The following ACADS variants were observed in gnomAD, a reference collection of about 807,000 sequenced individuals.
ACADS encodes short-chain specific acyl-CoA dehydrogenase, mitochondrial.
Under a neutral mutation model 46.8 loss-of-function variants are expected in ACADS, and 28 were observed. The observed-to-expected ratio is 0.60, with a 90% confidence interval of 0.44 to 0.82. The LOEUF (loss-of-function observed/expected upper bound fraction) is 0.82, where lower values mean the gene tolerates loss of function less well. Among genes scored for constraint, ACADS ranks in the 40% least tolerant of loss-of-function variants. The pLI is 0.00. For synonymous variants in ACADS, 236 were observed against 237.7 expected (o/e 0.99, Z 0.07); for missense variants, 528 against 578.0 (o/e 0.91, Z 0.89).
At chr12:120,737,334 C>A in intron 3 of ACADS, 22 bp from the exon 4 acceptor site, 4 of 1,610,064 alleles carry the variant, frequency 2.5e-6, no homozygotes, top group Non-Finnish European at 3.4e-6. Context: ...GGGCCTCCGA[C>A]CGCTCCCCGC....
intron 2 of ACADS, among the ~76,000 whole-genome samples, chr12:120,727,984 G>A (rs1169409314): frequency 6.6e-6 from 1 of 151,904 alleles, no homozygotes; most frequent in Non-Finnish European, 1.5e-5. Flanking sequence ...CTCTCGCTCT[G>A]TTGCCCAGGC....
Position 120,736,904 on chromosome 12 carries a change from G to C in ACADS, c.211-82G>C, listed in dbSNP as rs546753580. On this transcript the variant is annotated intron_variant, in intron 2 of 9. Coordinates refer to ENST00000242592, the MANE Select transcript of ACADS (RefSeq NM_000017.4). The stretch of plus-strand genomic sequence containing the variant: ...CTGAGTTTCTGCAGGGCACTGCCTC[G>C]GGGGCAGGAGGGTTTGGGCTTGGGG... 4 of 1,484,712 alleles carry C rather than the reference G, an allele frequency of 2.7e-6. No homozygotes were observed. The African/African-American group carries it at 5.5e-5, about 20-fold the overall frequency. 92.0% of individuals were successfully genotyped at this position (1,484,712 alleles called of 1,614,324 possible).
intron 2 of ACADS, among the ~76,000 whole-genome samples, chr12:120,736,300 ACC>A (rs1364194884): frequency 1.3e-5 from 2 of 152,152 alleles, no homozygotes; most frequent in Non-Finnish European, 2.9e-5. Context: ...TATGATTATT[ACC>A]CAGAATTAAG....
intron 2 of ACADS, among the ~76,000 whole-genome samples, chr12:120,736,032 TC>T (rs890201256): frequency 6.7e-6 from 1 of 150,034 alleles, no homozygotes; most frequent in African/African-American, 2.5e-5. Flanking sequence ...CCCGTCCCTG[TC>T]CCTGTCCCTG....
chr12:120,735,688 C>T (rs184387628), intron 2 of ACADS, among the ~76,000 whole-genome samples: 121 of 151,986 alleles, frequency 8.0e-4, no homozygotes, highest in Non-Finnish European at 1.4e-3. Context: ...ATCACGAGGT[C>T]GGGAGTTCAA....
In ACADS at chr12:120,739,366, G is replaced by A. The variant is rs766183395; in HGVS notation, c.1157G>A (p.Arg386His). The A allele has an allele frequency of 4.1e-5, 66 of 1,612,844 alleles. No homozygotes were observed. The highest frequency in any genetic ancestry group is 6.6e-5 in the South Asian group (6 of 91,076). Residue 386 changes from arginine (R) to histidine (H), a missense_variant, in exon 10 of 10, where the codon CGC becomes CAC. Transcript: ENST00000242592. Reference protein sequence around the residue: ...MPAERHYRDARITEIYEGTSE... With the variant: ...MPAERHYRDAHITEIYEGTSE... The stretch of plus-strand genomic sequence containing the variant: ...GCAGAGCGGCACTACCGCGACGCCC[G>A]CATCACTGAGATCTACGAGGGCACC...
chr12:120,739,464 C>T lies in ACADS; in HGVS notation c.*16C>T, dbSNP rs765271596. ...CCGGAGCTGAGCCCGCGGCGGACTG[C>T]CCCAGGACTGCGGGAAGGCGCGGGA... On this transcript the variant is annotated 3_prime_UTR_variant, in exon 10 of 10. Transcript: ENST00000242592. 6.2e-7 allele frequency: 1 copy of T among 1,602,810 alleles called. No homozygotes were observed.
chr12:120,735,850 A>T (rs696340), intron 2 of ACADS, among the ~76,000 whole-genome samples: 75,914 of 151,652 alleles, frequency 0.5, 19,735 homozygotes, highest in African/African-American at 0.63. Flanking sequence ...GTGAGCCGAG[A>T]TCTGCACTAC....
At chr12:120,732,490 G>T (rs1409349044) in intron 2 of ACADS, among the ~76,000 whole-genome samples, 1 of 150,234 alleles carries the variant, frequency 6.7e-6, no homozygotes, top group East Asian at 2.0e-4. Context: ...CCGGGCGGAG[G>T]GGCTCCTCAC....
intron 2 of ACADS, among the ~76,000 whole-genome samples, chr12:120,735,282 A>G (rs1257698606): frequency 6.9e-6 from 1 of 144,834 alleles, no homozygotes; most frequent in African/African-American, 2.7e-5. Flanking sequence ...AAAAAAAAAA[A>G]AAAAAAAGAA....
rs553039264 is a variant in ACADS at position 120,735,751 on chromosome 12, T to C, written c.211-1235T>C. ...CCGTCTCTACTAAAAATACAAAAAT[T>C]AGCTGGGCGTGATTATGGGCACCTG... On this transcript the variant is annotated intron_variant, in intron 2 of 9. Transcript: ENST00000242592. 2.0e-4 allele frequency among the ~76,000 whole-genome samples: 31 copies of C among 151,568 alleles called. 1 individual carries two copies. Among genetic ancestry groups the C allele is most frequent in the Admixed American group, 5.9e-4 (9 of 15,214 alleles).
rs777164036 is a variant in ACADS at position 120,725,946 on chromosome 12, G to A, written c.46+15G>A. ...TGCCCGCAGAGGTGAGTGCGCTGGG[G>A]ATCCGTACGGCGGGGCTTCAGCCCG... is the stretch of plus-strand genomic sequence containing the variant. On this transcript the variant is annotated intron_variant, in intron 1 of 9. Coordinates refer to ENST00000242592, the MANE Select transcript of ACADS (RefSeq NM_000017.4). 30 of 1,538,308 alleles carry A rather than the reference G, an allele frequency of 2.0e-5. No homozygotes were observed. The highest frequency in any genetic ancestry group is 1.9e-4 in the Admixed American group (10 of 51,590).
intron 2 of ACADS, 74 bp from the exon 3 acceptor site, chr12:120,736,912 G>A (rs1454312413): frequency 6.7e-7 from 1 of 1,500,806 alleles, no homozygotes; most frequent in African/African-American, 1.4e-5. Context: ...TCGGGGGCAG[G>A]AGGGTTTGGG....
chr12:120,732,136 C>G (rs1360826433), intron 2 of ACADS, among the ~76,000 whole-genome samples: 1 of 152,268 alleles, frequency 6.6e-6, no homozygotes, highest in Non-Finnish European at 1.5e-5. Flanking sequence ...GGCCTGTTCT[C>G]AATGAGCTGT....
chr12:120,737,167 G>T (rs759005862), intron 3 of ACADS, 32 bp downstream of exon 3: 2 of 1,560,230 alleles, frequency 1.3e-6, no homozygotes, highest in Non-Finnish European at 1.7e-6. Context: ...TGGGACACAC[G>T]GGTGGAGGGA....
At chr12:120,738,016 C>T (rs200075551) in intron 5 of ACADS, 28 bp downstream of exon 5, 173 of 1,612,796 alleles carry the variant, frequency 1.1e-4, no homozygotes, top group African/African-American at 6.7e-5. Context: ...GGGGTTCAGC[C>T]GGATCCTGGG....
In ACADS at chr12:120,737,078, C is replaced by T; in HGVS notation, c.303C>T (p.Ala101=). Residue 101 remains alanine (A), a synonymous_variant, in exon 3 of 10, where the codon GCC becomes GCT. Coordinates refer to ENST00000242592, the MANE Select transcript of ACADS (RefSeq NM_000017.4). ...AGLDYLAYAI[A]MEEISRGCAS... ...TCGATTACCTGGCCTACGCCATCGC[C>T]ATGGAGGAGATCAGCCGTGGCTGCG... 6.2e-7 allele frequency: 1 copy of T among 1,602,664 alleles called. No homozygotes were observed. The highest frequency in any genetic ancestry group is 1.1e-5 in the South Asian group (1 of 88,872).
In ACADS at chr12:120,737,031, G is replaced by A. The variant is rs374930037; in HGVS notation, c.256G>A (p.Glu86Lys). ...GLGLLAMDVP[E>K]ELGGAGLDYL... is the part of the protein sequence containing the mutation. Reference sequence around the variant, plus strand: ...TGGGCTTCTGGCCATGGACGTGCCCGAGGAGCTTGGCGGTGCTGGCCTCGA... The same window carrying A: ...TGGGCTTCTGGCCATGGACGTGCCCAAGGAGCTTGGCGGTGCTGGCCTCGA... Residue 86 changes from glutamate (E) to lysine (K), a missense_variant, in exon 3 of 10, where the codon GAG (glutamate) becomes AAG (lysine). By Grantham distance (56) the Glu-to-Lys change is moderately conservative (BLOSUM62 1). Transcript: ENST00000242592. The A allele has an allele frequency of 9.9e-6, 16 of 1,610,472 alleles. No homozygotes were observed. The highest frequency in any genetic ancestry group is 2.7e-5 in the African/African-American group (2 of 75,030).
At chr12:120,732,405 C>T (rs1351694755) in intron 2 of ACADS, among the ~76,000 whole-genome samples, 3 of 148,386 alleles carry the variant, frequency 2.0e-5, no homozygotes, top group African/African-American at 7.5e-5. Context: ...GTCTGCTGGG[C>T]GGAGGGGCTC....
Sources: allele counts gnomAD v4.1 joint callset (sites outside exome capture counted in the v4.1 genomes callset), GRCh38; gene constraint gnomAD v4.1.1; transcripts MANE v1.5; gene names NCBI Gene and HGNC (gene_info 2026-07-23, HGNC 2026-07-21).